The following PRR5 variants were observed in gnomAD, a reference collection of about 807,000 sequenced individuals.
The protein encoded by PRR5 is proline rich 5.
In PRR5, 25 loss-of-function variants were observed where a neutral mutation model predicts 30.6. The observed-to-expected ratio is 0.82, with a 90% CI of 0.60 to 1.14. The LOEUF (loss-of-function observed/expected upper bound fraction) is 1.14, where lower values mean the gene tolerates loss of function less well. PRR5 is among the 50% of genes most tolerant of loss of function. The pLI, the probability that PRR5 is intolerant of heterozygous loss-of-function variation, is 0.00. For synonymous variants in PRR5, 286 were observed against 247.1 expected (o/e 1.16, Z -1.48); for missense variants, 600 against 547.1 (o/e 1.10, Z -0.96).
At chr22:44,707,755 C>A (rs9614884) in intron 1 of PRR5, among the ~76,000 whole-genome samples, 28,625 of 152,172 alleles carry the variant, frequency 0.19, 3,457 homozygotes, top group East Asian at 0.41. Flanking sequence ...AGGAGCTCCC[C>A]AAGCCCCACC....
At chr22:44,713,840 G>C (rs778066643) in intron 1 of PRR5, among the ~76,000 whole-genome samples, 1 of 152,220 alleles carries the variant, frequency 6.6e-6, no homozygotes, top group East Asian at 1.9e-4. Flanking sequence ...CTGTTGCTCT[G>C]TCGCCCAGGC....
At chr22:44,687,517 C>CTG (rs1924857263) in intron 1 of PRR5, among the ~76,000 whole-genome samples, 1 of 152,152 alleles carries the variant, frequency 6.6e-6, no homozygotes, top group African/African-American at 2.4e-5. Flanking sequence ...TTTCCTACCT[C>CTG]AAGCTCAGGA....
At chr22:44,703,442 C>T (rs145602901) in intron 1 of PRR5, among the ~76,000 whole-genome samples, 178 of 152,228 alleles carry the variant, frequency 1.2e-3, no homozygotes, top group African/African-American at 4.1e-3. Context: ...TCTTGGCCAC[C>T]GGGAACCCGG....
chr22:44,692,509 ACTCCTCCTCCTGGGGG>A (rs1240298910), intron 1 of PRR5, among the ~76,000 whole-genome samples: 4 of 91,686 alleles, frequency 4.4e-5, no homozygotes, highest in African/African-American at 1.7e-4. Context: ...TCCACCTGGC[ACTCCTCCTCCTGGGGG>A]CTCCTCCTCC....
chr22:44,681,404 A>G (rs1924270996), intron 1 of PRR5, among the ~76,000 whole-genome samples: 2 of 152,306 alleles, frequency 1.3e-5, no homozygotes, highest in African/African-American at 4.8e-5. Context: ...CCTGGCCAAC[A>G]TGGTGAAACC....
Position 44,714,609 on chromosome 22 carries a change from C to G in PRR5, c.153C>G (p.Ile51Met). 1 of 1,613,422 alleles carries G rather than the reference C, an allele frequency of 6.2e-7. No individual in the cohort carries two copies. Among genetic ancestry groups the G allele is most frequent in the Non-Finnish European group, 8.5e-7 (1 of 1,179,976 alleles). Residue 51 changes from isoleucine to methionine, a missense_variant, in exon 2 of 8, where the codon ATC (isoleucine) becomes ATG (methionine). Transcript: ENST00000336985. The part of the protein sequence containing the change: ...ATWNSIHNGV[I>M]AVFQRKGLPD... ...CCCCCAGCATCCACAACGGGGTGAT[C>G]GCCGTCTTCCAGCGCAAGGGGCTGC...
At position 44,737,388 on chromosome 22, in the gene PRR5, G is replaced by T; in HGVS notation, c.*141G>T. On this transcript the variant is annotated 3_prime_UTR_variant, in exon 8 of 8. Transcript: ENST00000336985. ...CCTCGTCACTGGCCTTGGTCACTTT[G>T]TATTTCTGTCTTGGTTGGAAATACC... The T allele has an allele frequency of 7.2e-7, 1 of 1,398,580 alleles. No homozygotes were observed. 86.6% of individuals were successfully genotyped at this position (1,398,580 alleles called of 1,614,324 possible).
intron 4 of PRR5, chr22:44,729,514 A>G: frequency 2.0e-6 from 2 of 985,532 alleles, no homozygotes; most frequent in Non-Finnish European, 2.4e-6. Flanking sequence ...CCGGCAGCAA[A>G]CGCCCAGTGC....
upstream of PRR5, among the ~76,000 whole-genome samples, chr22:44,697,589 AG>A (rs1205951004): frequency 2.0e-5 from 3 of 152,194 alleles, no homozygotes; most frequent in African/African-American, 7.2e-5. Flanking sequence ...CTTCGCCACC[AG>A]GGGGCGGACG....
chr22:44,734,927 C>T, intron 6 of PRR5, 100 bp from the exon 7 acceptor site: 1 of 1,429,442 alleles, frequency 7.0e-7, no homozygotes, highest in Non-Finnish European at 9.6e-7. Flanking sequence ...AGGCGGGAGG[C>T]AGAGGACAGG....
In PRR5 at chr22:44,730,725, C is replaced by T. The variant is rs145780403; in HGVS notation, c.323-1005C>T. The T allele has an allele frequency of 1.2e-3, 1,179 of 951,892 alleles. 19 individuals are homozygous for T. The African/African-American group carries it at 0.02, about 16-fold the overall frequency. The allele number at this position is 951,892 out of a possible 1,614,324, so 59.0% of individuals were successfully genotyped here. A position where few individuals can be genotyped will look rare whatever the true frequency, so the allele number is the denominator to read the frequency against. ...CTCCCTGCCTGACCCTCTGCACCCT[C>T]TTCTTCCTTCGACGTGGTGCTGCTA... On this transcript the variant is annotated intron_variant, in intron 4 of 7. Coordinates refer to ENST00000336985, the MANE Select transcript of PRR5 (RefSeq NM_181333.4).
At position 44,702,611 on chromosome 22, in the gene PRR5, A is replaced by G. The variant is rs1300275202; in HGVS notation, c.134+3A>G. On this transcript the variant is annotated splice_donor_region_variant and intron_variant, in intron 1 of 7. Transcript: ENST00000336985. Reference sequence around the variant, plus strand: ...TGCGCCAACGCCACCTGGAACAGGTAAGGCCGCGCCCTCCCGGCCACCCGG... The same window carrying G: ...TGCGCCAACGCCACCTGGAACAGGTGAGGCCGCGCCCTCCCGGCCACCCGG... 1 of 1,341,044 alleles carries G rather than the reference A, an allele frequency of 7.5e-7. No individual in the cohort carries two copies. The highest frequency in any genetic ancestry group is 3.2e-5 in the East Asian group (1 of 31,674). The allele number at this position is 1,341,044 out of a possible 1,614,324, so 83.1% of individuals were successfully genotyped here. A position where few individuals can be genotyped will look rare whatever the true frequency, so the allele number is the denominator to read the frequency against.
intron 4 of PRR5, chr22:44,729,787 G>T (rs1020161736): frequency 2.0e-6 from 2 of 985,488 alleles, no homozygotes; most frequent in Non-Finnish European, 1.2e-6. Flanking sequence ...TCTGCTTTCC[G>T]CAGCATTTCC....
chr22:44,720,204 G>A (rs988067349), intron 2 of PRR5, among the ~76,000 whole-genome samples: 1 of 152,252 alleles, frequency 6.6e-6, no homozygotes, highest in Non-Finnish European at 1.5e-5. Flanking sequence ...GGCCGTGCCC[G>A]CAGCCTGTCA....
rs538666479 is a variant in PRR5 at position 44,689,773 on chromosome 22, C to T, written c.-11+12533C>T. Among the ~76,000 whole-genome samples, 10 of 152,332 alleles carry T rather than the reference C, an allele frequency of 6.6e-5. No homozygotes were observed. In the South Asian group the frequency reaches 1.4e-3, roughly 22 times the overall value. On this transcript the variant is annotated intron_variant, in intron 1 of 8. Transcript: ENST00000006251. ...AAGCAATTCTCCCATCTCAGCCTTCCGAGTAGCTGGGACTACAGGCGCCCG... is the reference window on the plus strand; with the variant it reads ...AAGCAATTCTCCCATCTCAGCCTTCTGAGTAGCTGGGACTACAGGCGCCCG...
In PRR5 at chr22:44,692,364, AGGGCTCCTCCTCCCG is replaced by A. The variant is rs1398570838; in HGVS notation, c.-10-10117_-10-10103del. Among the ~76,000 whole-genome samples the A allele has an allele frequency of 9.3e-3, 865 of 93,118 alleles. 13 individuals are homozygous for A. The highest frequency in any genetic ancestry group is 0.035 in the African/African-American group (803 of 23,272). The allele number at this position is 93,118 out of a possible 152,430, so 61.1% of individuals were successfully genotyped here. ...GCTCCTCCTGGGGGCTCCTCCTCCC[AGGGCTCCTCCTCCCG>A]GGGCTCCTCCACCTTAGCTCCTCCA... On this transcript the variant is annotated intron_variant, in intron 1 of 8. Transcript: ENST00000006251.
chr22:44,733,732 G>A (rs948139640), intron 6 of PRR5, among the ~76,000 whole-genome samples: 1 of 152,134 alleles, frequency 6.6e-6, no homozygotes, highest in African/African-American at 2.4e-5. Flanking sequence ...GACACGTGGG[G>A]TCCCCTGTGT....
chr22:44,679,430 C>T (rs1237657751), intron 1 of PRR5: 6 of 166,464 alleles, frequency 3.6e-5, no homozygotes, highest in East Asian at 3.3e-4. Flanking sequence ...CTCAGCCAGG[C>T]GCAGTGACTC....
chr22:44,714,481 G>T, intron 1 of PRR5, 110 bp from the exon 2 acceptor site: 1 of 1,459,916 alleles, frequency 6.8e-7, no homozygotes, highest in Non-Finnish European at 9.3e-7. Context: ...GTCCTGCAGG[G>T]ATGGCTATCC....
Sources: gnomAD v4.1 joint callset for allele counts (sites outside exome capture counted in the v4.1 genomes callset) on GRCh38, gnomAD v4.1.1 for gene constraint, MANE v1.5 for transcripts, NCBI Gene and HGNC (gene_info 2026-07-23, HGNC 2026-07-21) for gene names.